OPCML: variants seen among roughly 807,000 people sequenced by gnomAD.
The protein encoded by OPCML is opioid binding protein/cell adhesion molecule like.
In OPCML, 13 loss-of-function variants were observed where a neutral mutation model predicts 37.8. The ratio of observed to expected loss-of-function variants is 0.34; its 90% confidence interval spans 0.22 to 0.55. The LOEUF is 0.55. OPCML is among the 20% of genes least tolerant of loss of function. The probability of loss-of-function intolerance (pLI) is 0.91; values close to 1 mark genes in which losing one functional copy is unlikely to be tolerated. For missense variants in OPCML, 341 were observed against 435.6 expected (o/e 0.78, Z 1.93); for synonymous variants, 176 against 168.8 (o/e 1.04, Z -0.33).
At chr11:133,393,363 C>A (rs1945216303) in intron 1 of OPCML, among the ~76,000 whole-genome samples, 1 of 152,176 alleles carries the variant, frequency 6.6e-6, no homozygotes, top group African/African-American at 2.4e-5. Flanking sequence ...GCCTTAGGAA[C>A]AATGCTTCAG....
At chr11:132,884,570 G>A (rs1384940895) in intron 2 of OPCML, among the ~76,000 whole-genome samples, 1 of 152,208 alleles carries the variant, frequency 6.6e-6, no homozygotes, top group Non-Finnish European at 1.5e-5. Flanking sequence ...ATATAGCTTG[G>A]TTATAGTCTG....
chr11:132,582,104 TTGTGTG>T (rs145244488), intron 3 of OPCML, among the ~76,000 whole-genome samples: 34,023 of 140,280 alleles, frequency 0.24, 4,403 homozygotes, highest in Middle Eastern at 0.32. Flanking sequence ...CACACATACT[TTGTGTG>T]TGTGTGTGTG....
At chr11:133,383,741 A>G (rs1014583958) in intron 1 of OPCML, among the ~76,000 whole-genome samples, 2 of 152,176 alleles carry the variant, frequency 1.3e-5, no homozygotes, top group African/African-American at 4.8e-5. Flanking sequence ...GTAAACCTTA[A>G]TAAGATTGGA....
Position 133,321,943 on chromosome 11 carries a change from C to A in OPCML, c.61+210321G>T, listed in dbSNP as rs560252470. Reference sequence around the variant, plus strand: ...TTTGAAAAGCATATAATATCCGAAACCATAGTATCGAACAGCAGAAGTCTT... The same window carrying A: ...TTTGAAAAGCATATAATATCCGAAAACATAGTATCGAACAGCAGAAGTCTT... On this transcript the variant is annotated intron_variant, in intron 1 of 7. Coordinates refer to ENST00000524381, the MANE Select transcript of OPCML (RefSeq NM_001012393.5). Among the ~76,000 whole-genome samples the A allele has an allele frequency of 4.6e-5, 7 of 152,180 alleles. No homozygotes were observed. In the South Asian group the frequency reaches 1.5e-3, roughly 32 times the overall value.
intron 1 of OPCML, chr11:133,025,296 T>C (rs1015360745): frequency 1.0e-6 from 1 of 980,736 alleles, no homozygotes; most frequent in African/African-American, 1.7e-5. Context: ...ACTAGGACAG[T>C]CCATTTTTAA....
At chr11:133,477,256 G>A (rs1209986864) in intron 1 of OPCML, among the ~76,000 whole-genome samples, 1 of 152,198 alleles carries the variant, frequency 6.6e-6, no homozygotes, top group Non-Finnish European at 1.5e-5. Context: ...GATTTTAGAG[G>A]ATGCAAAATA....
chr11:132,516,821 C>T (rs575012441), intron 4 of OPCML, among the ~76,000 whole-genome samples: 1 of 152,128 alleles, frequency 6.6e-6, no homozygotes, highest in Admixed American at 6.5e-5. Flanking sequence ...CGGTGATGAC[C>T]CCCTGGTGTT....
intron 1 of OPCML, among the ~76,000 whole-genome samples, chr11:133,019,094 A>G (rs1022087302): frequency 1.3e-5 from 2 of 152,240 alleles, no homozygotes; most frequent in African/African-American, 4.8e-5. Flanking sequence ...AAGAGACCAG[A>G]GCAGGACTGT....
At chr11:132,901,144 C>A (rs192145035) in intron 2 of OPCML, among the ~76,000 whole-genome samples, 125 of 152,176 alleles carry the variant, frequency 8.2e-4, no homozygotes, top group African/African-American at 2.9e-3. Context: ...CATGCCACTG[C>A]ACTCCAGCCT....
intron 3 of OPCML, among the ~76,000 whole-genome samples, chr11:132,582,719 T>A (rs1356189835): frequency 6.6e-6 from 1 of 152,182 alleles, no homozygotes; most frequent in Non-Finnish European, 1.5e-5. Flanking sequence ...TATGGAGATA[T>A]GCTTTCCATT....
intron 1 of OPCML, among the ~76,000 whole-genome samples, chr11:132,996,039 A>G (rs1470477361): frequency 1.3e-5 from 2 of 152,130 alleles, no homozygotes; most frequent in Non-Finnish European, 2.9e-5. Flanking sequence ...TCCCCCTGCC[A>G]TCCATGGGTC....
At chr11:132,984,328 G>A (rs1946645442) in intron 1 of OPCML, among the ~76,000 whole-genome samples, 1 of 152,098 alleles carries the variant, frequency 6.6e-6, no homozygotes, top group African/African-American at 2.4e-5. Context: ...TATTTATTAA[G>A]TACTTACAAT....
chr11:133,138,524 C>T (rs922084743), intron 1 of OPCML, among the ~76,000 whole-genome samples: 3 of 152,164 alleles, frequency 2.0e-5, no homozygotes, highest in African/African-American at 2.4e-5. Flanking sequence ...TTCCTAACCT[C>T]TCAAAATCAA....
In OPCML at chr11:133,146,476, A is replaced by C. The variant is rs558629911; in HGVS notation, c.62-203466T>G. Among the ~76,000 whole-genome samples the C allele has an allele frequency of 3.9e-5, 6 of 151,986 alleles. No individual in the cohort carries two copies. The South Asian group carries it at 1.3e-3, about 32-fold the overall frequency. On this transcript the variant is annotated intron_variant, in intron 1 of 7. Coordinates refer to ENST00000524381, the MANE Select transcript of OPCML (RefSeq NM_001012393.5). ...ATTACAGGCACCCGCCACCATGCCC[A>C]GCTAATTTTTGTACTTTTAGTAGAG...
chr11:133,389,182 T>C (rs1216556257), intron 1 of OPCML, among the ~76,000 whole-genome samples: 1 of 152,224 alleles, frequency 6.6e-6, no homozygotes, highest in African/African-American at 2.4e-5. Context: ...TGTCCATGCC[T>C]GCCAAAATGT....
intron 1 of OPCML, among the ~76,000 whole-genome samples, chr11:133,231,090 A>G (rs1052330831): frequency 6.6e-6 from 1 of 152,208 alleles, no homozygotes; most frequent in Non-Finnish European, 1.5e-5. Context: ...AGGAGGCAGA[A>G]TGAGAAGCAA....
chr11:132,437,011 A>C lies in OPCML; in HGVS notation c.643+211T>G, dbSNP rs573533086. The C allele has an allele frequency of 4.1e-5, 35 of 858,158 alleles. No homozygotes were observed. In the African/African-American group the frequency reaches 6.4e-4, roughly 16 times the overall value. The allele number at this position is 858,158 out of a possible 1,614,324, so 53.2% of individuals were successfully genotyped here. A position where few individuals can be genotyped will look rare whatever the true frequency, so the allele number is the denominator to read the frequency against. On this transcript the variant is annotated intron_variant, in intron 5 of 7. Coordinates refer to ENST00000524381, the MANE Select transcript of OPCML (RefSeq NM_001012393.5). ...CCTCCAAACCCATTCTCAGTTAACA[A>C]TTCTCTCCATTTGCTGAAAACTCTG...
At chr11:132,439,461 G>C (rs1227806718) in intron 4 of OPCML, among the ~76,000 whole-genome samples, 1 of 152,174 alleles carries the variant, frequency 6.6e-6, no homozygotes, top group Non-Finnish European at 1.5e-5. Flanking sequence ...CAGACATAAT[G>C]ATCCAGGCTA....
chr11:132,747,998 C>T (rs528761654), intron 2 of OPCML, among the ~76,000 whole-genome samples: 1 of 151,274 alleles, frequency 6.6e-6, no homozygotes, highest in South Asian at 2.1e-4. Context: ...AAATCCTGAT[C>T]TTACTCCAAT....
Sources: gnomAD v4.1 joint callset for allele counts (sites outside exome capture counted in the v4.1 genomes callset) on GRCh38, gnomAD v4.1.1 for gene constraint, MANE v1.5 for transcripts, NCBI Gene and HGNC (gene_info 2026-07-23, HGNC 2026-07-21) for gene names.